SPIC: variants seen among roughly 807,000 people sequenced by gnomAD.
SPIC encodes transcription factor Spi-C.
SPIC carries 9 observed loss-of-function variants against 16.7 expected under a neutral mutation model. The ratio of observed to expected loss-of-function variants is 0.54; its 90% CI spans 0.33 to 0.94. The LOEUF (loss-of-function observed/expected upper bound fraction) is 0.94, where lower values mean the gene tolerates loss of function less well. Among genes scored for constraint, SPIC ranks in the 40% least tolerant of loss-of-function variants. SPIC has a pLI of 0.03. For synonymous variants in SPIC, 97 were observed against 102.9 expected (o/e 0.94, Z 0.35); for missense variants, 241 against 285.8 (o/e 0.84, Z 1.13).
At chr12:101,484,819 G>A (rs1873317606) in intron 5 of SPIC, among the ~76,000 whole-genome samples, 1 of 151,616 alleles carries the variant, frequency 6.6e-6, no homozygotes, top group African/African-American at 2.4e-5. Flanking sequence ...AGTGAGCCAA[G>A]ATTGCGCCAC....
chr12:101,483,786 C>T (rs1474852014), intron 5 of SPIC, among the ~76,000 whole-genome samples: 3 of 151,470 alleles, frequency 2.0e-5, no homozygotes, highest in Non-Finnish European at 2.9e-5. Flanking sequence ...TTAGTAGAGA[C>T]GGGGTTTTGT....
At chr12:101,478,562 C>T (rs569316102) in intron 3 of SPIC, among the ~76,000 whole-genome samples, 3 of 152,178 alleles carry the variant, frequency 2.0e-5, no homozygotes, top group African/African-American at 7.2e-5. Context: ...TGACATTCCA[C>T]ACAGAAATAC....
chr12:101,477,205 T>C (rs1185495693), intron 2 of SPIC, among the ~76,000 whole-genome samples: 1 of 152,230 alleles, frequency 6.6e-6, no homozygotes, highest in Non-Finnish European at 1.5e-5. Context: ...TTTGCAATAA[T>C]GTTAAATACT....
intron 3 of SPIC, among the ~76,000 whole-genome samples, 187 bp downstream of exon 3, chr12:101,477,838 G>A (rs1468625253): frequency 6.6e-6 from 1 of 152,162 alleles, no homozygotes. Context: ...CCAATATGGC[G>A]AAACCCTGTC....
chr12:101,477,216 G>C lies in SPIC; in HGVS notation c.3+309G>C, dbSNP rs753848109. Among the ~76,000 whole-genome samples the C allele has an allele frequency of 8.6e-5, 13 of 152,034 alleles. 1 individual carries two copies. ...AAATTTTGCAATAATGTTAAATACT[G>C]TACTATAGAATGAATACCATTCTCT... On this transcript the variant is annotated intron_variant, in intron 2 of 5. Coordinates refer to ENST00000551346, the MANE Select transcript of SPIC (RefSeq NM_152323.3).
At chr12:101,481,856 T>C (rs1299402466) in intron 4 of SPIC, among the ~76,000 whole-genome samples, 1 of 148,774 alleles carries the variant, frequency 6.7e-6, no homozygotes, top group Non-Finnish European at 1.5e-5. Context: ...TTTCACCACG[T>C]TGGCCAGGCT....
At chr12:101,479,172 AAAAGAAAGAAAG>A (rs199501054) in intron 3 of SPIC, among the ~76,000 whole-genome samples, 1,783 of 82,910 alleles carry the variant, frequency 0.022, 59 homozygotes, top group Admixed American at 0.054. Flanking sequence ...GAAAGAAAGA[AAAAGAAAGAAAG>A]AAAGAAAGAA....
intron 3 of SPIC, 26 bp downstream of exon 3, chr12:101,477,677 C>T (rs776294599): frequency 3.2e-6 from 5 of 1,577,130 alleles, no homozygotes; most frequent in African/African-American, 1.3e-5. Context: ...TTACCCTCTT[C>T]TGCTGGTACA....
intron 4 of SPIC, among the ~76,000 whole-genome samples, chr12:101,480,352 A>G (rs1245501663): frequency 6.6e-6 from 1 of 152,226 alleles, no homozygotes; most frequent in Non-Finnish European, 1.5e-5. Flanking sequence ...CAAAGATCCA[A>G]ACTGCCCCTG....
At chr12:101,479,557 G>T in intron 3 of SPIC, 25 bp from the exon 4 acceptor site, 2 of 1,587,958 alleles carry the variant, frequency 1.3e-6, no homozygotes, top group Admixed American at 1.7e-5. Flanking sequence ...GACTTTTTTA[G>T]TTTCTTTCTC....
In SPIC at chr12:101,476,855, CT is replaced by C. The variant is rs773624364; in HGVS notation, c.-48del. ...TTGTCAACTTATTTTATTTTATTTT[CT>C]TCAAGCAACAATTGCTAAGGAACAG... On this transcript the variant is annotated 5_prime_UTR_variant, in exon 2 of 6. The change abolishes the stop of an existing upstream ORF in the 5' untranslated region. Transcript: ENST00000551346. 91 of 1,288,216 alleles carry C rather than the reference CT, an allele frequency of 7.1e-5. No homozygotes were observed. Among genetic ancestry groups the C allele is most frequent in the Non-Finnish European group, 9.2e-5 (88 of 961,620 alleles). 79.8% of individuals were successfully genotyped at this position (1,288,216 alleles called of 1,614,324 possible).
chr12:101,482,844 A>G lies in SPIC; in HGVS notation c.263A>G (p.Asn88Ser), dbSNP rs1873248528. The change falls in exon 5 of 6, where the codon AAC becomes AGC. Residue 88 changes from asparagine (N) to serine (S), a missense_variant. Transcript: ENST00000551346. The part of the protein sequence containing the change: ...FEGNIHQSLQ[N>S]ITENQLVQPT... ...GGAAATATTCATCAATCTCTGCAGA[A>G]CATAACTGAAAACCAGCTGGTACAA... 1 of 1,614,114 alleles carries G rather than the reference A, an allele frequency of 6.2e-7. No homozygotes were observed. Among genetic ancestry groups the G allele is most frequent in the East Asian group, 2.2e-5 (1 of 44,882 alleles).
At position 101,477,739 on chromosome 12, in the gene SPIC, A is replaced by G. The variant is rs1056625304; in HGVS notation, c.97+88A>G. 1.9e-5 allele frequency: 22 copies of G among 1,189,150 alleles called. No individual in the cohort carries two copies. The East Asian group carries it at 5.3e-4, about 29-fold the overall frequency. 73.7% of individuals were successfully genotyped at this position (1,189,150 alleles called of 1,614,324 possible). A position where few individuals can be genotyped will look rare whatever the true frequency, so the allele number is the denominator to read the frequency against. ...ATATAAGAATAATGATCAGCTGACC[A>G]GGTGCTGTGGCTCACATCTGTAATC... On this transcript the variant is annotated intron_variant, in intron 3 of 5. Coordinates refer to ENST00000551346, the MANE Select transcript of SPIC (RefSeq NM_152323.3).
At chr12:101,485,299 GT>G (rs1207193853) in intron 5 of SPIC, among the ~76,000 whole-genome samples, 4 of 152,136 alleles carry the variant, frequency 2.6e-5, no homozygotes, top group African/African-American at 9.7e-5. Flanking sequence ...TGTCACTTTT[GT>G]TCTCATGAGC....
intron 2 of SPIC, among the ~76,000 whole-genome samples, chr12:101,477,176 T>C (rs1015353823): frequency 3.1e-4 from 47 of 152,216 alleles, no homozygotes; most frequent in African/African-American, 8.0e-4. Context: ...TCCTCTGCTC[T>C]ACAACTCCTT....
intron 5 of SPIC, among the ~76,000 whole-genome samples, chr12:101,486,067 C>T (rs1873355563): frequency 1.3e-5 from 2 of 152,354 alleles, no homozygotes; most frequent in Middle Eastern, 3.4e-3. Context: ...TCCCAAAGTG[C>T]TGGGACTACA....
In SPIC at chr12:101,486,848, T is replaced by G; in HGVS notation, c.*77T>G. On this transcript the variant is annotated 3_prime_UTR_variant, in exon 6 of 6. Transcript: ENST00000551346. ...TAATGATTTCTCCCTCCCTCTCTTT[T>G]TTTCCTCCTCTGAAGAAATTTAGGA... 1 of 1,257,628 alleles carries G rather than the reference T, an allele frequency of 8.0e-7. No individual in the cohort carries two copies. The highest frequency in any genetic ancestry group is 1.1e-6 in the Non-Finnish European group (1 of 933,232). The allele number at this position is 1,257,628 out of a possible 1,614,324, so 77.9% of individuals were successfully genotyped here.
chr12:101,486,672 T>C lies in SPIC; in HGVS notation c.648T>C (p.Cys216=), dbSNP rs763912007. 1.2e-6 allele frequency: 2 copies of C among 1,613,566 alleles called. No homozygotes were observed. The highest frequency in any genetic ancestry group is 4.5e-5 in the East Asian group (2 of 44,870). ...FLGKEIFYSQ[C]VQPDQEYLSL... ...GGAAAGAGATCTTCTATTCACAGTG[T>C]GTTCAACCTGATCAAGAATATCTCA... The change falls in exon 6 of 6, where the codon TGT becomes TGC. Residue 216 remains cysteine, a synonymous_variant. Coordinates refer to ENST00000551346, the MANE Select transcript of SPIC (RefSeq NM_152323.3).
rs1565831145 is a variant in SPIC, at chr12:101,479,227, A to AAG, written c.98-355_98-354insAG. Among the ~76,000 whole-genome samples the AAG allele has an allele frequency of 1.7e-3, 189 of 110,882 alleles. 4 individuals carry two copies. The highest frequency in any genetic ancestry group is 2.4e-3 in the Non-Finnish European group (127 of 53,634). The allele number at this position is 110,882 out of a possible 152,430, so 72.7% of individuals were successfully genotyped here. Reference sequence around the variant, plus strand: ...AAGAAAGAAAGAAAGAAAGAAGGAAAGAAAGAAAGAAAGAAAAAGAAAGAA... The same window carrying AAG: ...AAGAAAGAAAGAAAGAAAGAAGGAAAAGGAAAGAAAGAAAGAAAAAGAAAGAA... On this transcript the variant is annotated intron_variant, in intron 3 of 5. Coordinates refer to ENST00000551346, the MANE Select transcript of SPIC (RefSeq NM_152323.3).
Sources: allele counts gnomAD v4.1 joint callset (sites outside exome capture counted in the v4.1 genomes callset), GRCh38; gene constraint gnomAD v4.1.1; transcripts MANE v1.5; gene names NCBI Gene and HGNC (gene_info 2026-07-23, HGNC 2026-07-21).